PAN3: variants seen among roughly 807,000 people sequenced by gnomAD.
PAN3 encodes PAN2-PAN3 deadenylation complex subunit PAN3.
PAN3 carries 19 observed loss-of-function variants against 96.2 expected under a neutral mutation model. The observed-to-expected ratio is 0.20, with a 90% CI of 0.14 to 0.29. The LOEUF is 0.29. Among genes scored for constraint, PAN3 ranks in the 10% least tolerant of loss-of-function variants. PAN3 has a pLI of 1.00. For synonymous variants in PAN3, 433 were observed against 406.6 expected (o/e 1.06, Z -0.78); for missense variants, 882 against 1,108.1 (o/e 0.80, Z 2.90).
In PAN3 at chr13:28,223,871, ATTTTTTTTT is replaced by A. The variant is rs560571140; in HGVS notation, c.1000+3512_1000+3520del. 2.5e-3 allele frequency among the ~76,000 whole-genome samples: 184 copies of A among 75,062 alleles called. 2 individuals are homozygous for A. The Middle Eastern group carries it at 0.041, about 17-fold the overall frequency. 49.2% of individuals were successfully genotyped at this position (75,062 alleles called of 152,430 possible). ...TTTAATTTTTGTGCCATGAAAAGTG[ATTTTTTTTT>A]TTTTTTTTTTTTTTTTTTGAGACAG... On this transcript the variant is annotated intron_variant, in intron 6 of 18. Coordinates refer to ENST00000380958, the MANE Select transcript of PAN3 (RefSeq NM_175854.8).
chr13:28,181,528 A>AG (rs1875774067), intron 4 of PAN3, among the ~76,000 whole-genome samples: 1 of 149,892 alleles, frequency 6.7e-6, no homozygotes, highest in Non-Finnish European at 1.5e-5. Context: ...AAAAAAAAAA[A>AG]GGCCCAAAAC....
At chr13:28,150,169 G>T (rs1016025799) in intron 1 of PAN3, among the ~76,000 whole-genome samples, 40 of 152,226 alleles carry the variant, frequency 2.6e-4, no homozygotes, top group Admixed American at 2.2e-3. Context: ...CAGTTTTTAT[G>T]GTTCATAGAT....
In PAN3 at chr13:28,173,586, AG is replaced by A. The variant is rs1227900988; in HGVS notation, c.431-681del. Among the ~76,000 whole-genome samples the A allele has an allele frequency of 3.9e-5, 6 of 152,284 alleles. No individual in the cohort carries two copies. The East Asian group carries it at 1.2e-3, about 29-fold the overall frequency. On this transcript the variant is annotated intron_variant, in intron 1 of 18. Coordinates refer to ENST00000380958, the MANE Select transcript of PAN3 (RefSeq NM_175854.8). ...GTAGTTTGCTTCTTACTGGGGTTGA[AG>A]GGGGTTTCTCAATGACTGCCTGGAG...
rs896992793 is a variant in PAN3 at position 28,293,395 on chromosome 13, T to G, written c.*873T>G. ...TTCTTTCCAGTTTGCTGGTTTTTTT[T>G]TTTTTTTTTTTTTTTTTTTTTGGGC... On this transcript the variant is annotated 3_prime_UTR_variant, in exon 19 of 19. Transcript: ENST00000380958. 7.3e-6 allele frequency: 1 copy of G among 136,152 alleles called. No homozygotes were observed. The highest frequency in any genetic ancestry group is 2.8e-5 in the African/African-American group (1 of 35,776). The allele number at this position is 136,152 out of a possible 1,614,324, so 8.4% of individuals were successfully genotyped here.
chr13:28,227,077 T>C (rs1416785145), intron 6 of PAN3, among the ~76,000 whole-genome samples: 3 of 152,152 alleles, frequency 2.0e-5, no homozygotes, highest in African/African-American at 7.2e-5. Context: ...GGACACAGAT[T>C]GTGATGCCCC....
chr13:28,182,229 A>G (rs1296990127), intron 4 of PAN3, among the ~76,000 whole-genome samples: 2 of 152,218 alleles, frequency 1.3e-5, no homozygotes, highest in Non-Finnish European at 2.9e-5. Context: ...GTGTTTATGT[A>G]GGGCAACCAT....
intron 6 of PAN3, among the ~76,000 whole-genome samples, chr13:28,226,821 A>T (rs2138415963): frequency 6.6e-6 from 1 of 152,314 alleles, no homozygotes; most frequent in Non-Finnish European, 1.5e-5. Flanking sequence ...AAGTATTTGT[A>T]TTTTTAAATT....
At chr13:28,246,425 T>C (rs1271147506) in intron 6 of PAN3, among the ~76,000 whole-genome samples, 1 of 152,160 alleles carries the variant, frequency 6.6e-6, no homozygotes, top group Non-Finnish European at 1.5e-5. Context: ...CCCTCAAACA[T>C]TTGTGTTGGG....
At chr13:28,167,806 C>T (rs1178107762) in intron 1 of PAN3, among the ~76,000 whole-genome samples, 3 of 151,944 alleles carry the variant, frequency 2.0e-5, no homozygotes, top group African/African-American at 4.8e-5. Flanking sequence ...ATTGCGCCAC[C>T]GCACTCCAGC....
chr13:28,248,954 G>T (rs1884460777), intron 6 of PAN3, among the ~76,000 whole-genome samples: 1 of 152,016 alleles, frequency 6.6e-6, no homozygotes, highest in Admixed American at 6.6e-5. Flanking sequence ...TTCAACATCT[G>T]TTGAACTGAC....
In PAN3 at chr13:28,272,886, A is replaced by G. The variant is rs535926762; in HGVS notation, c.2049+815A>G. Among the ~76,000 whole-genome samples the G allele has an allele frequency of 9.9e-5, 15 of 152,210 alleles. No individual in the cohort carries two copies. In the East Asian group the frequency reaches 2.9e-3, roughly 29 times the overall value. ...GCCCGGCCTCCTGATAACGTCAGAG[A>G]CTCTTAACTGTTCAAAATGAAAATG... On this transcript the variant is annotated intron_variant, in intron 14 of 18. Transcript: ENST00000380958.
At position 28,215,670 on chromosome 13, in the gene PAN3, G is replaced by C. The variant is rs1880658913; in HGVS notation, c.853-4561G>C. 3 of 1,468,408 alleles carry C rather than the reference G, an allele frequency of 2.0e-6. No homozygotes were observed. The East Asian group carries it at 7.4e-5, about 36-fold the overall frequency. 91.0% of individuals were successfully genotyped at this position (1,468,408 alleles called of 1,614,324 possible). On this transcript the variant is annotated intron_variant, in intron 5 of 18. Transcript: ENST00000380958. ...TTATTGCCATTTTGGTAATAAGCTGGAAGATGGCCCTAAATTCTTGAAGTC... is the reference window on the plus strand; with the variant it reads ...TTATTGCCATTTTGGTAATAAGCTGCAAGATGGCCCTAAATTCTTGAAGTC...
rs187654827 is a variant in PAN3, at chr13:28,257,709, T to A, written c.1248+1170T>A. Among the ~76,000 whole-genome samples the A allele has an allele frequency of 6.4e-3, 889 of 139,024 alleles. 14 individuals are homozygous for A. The highest frequency in any genetic ancestry group is 0.02 in the African/African-American group (766 of 37,720). 91.2% of individuals were successfully genotyped at this position (139,024 alleles called of 152,430 possible). On this transcript the variant is annotated intron_variant, in intron 7 of 18. Coordinates refer to ENST00000380958, the MANE Select transcript of PAN3 (RefSeq NM_175854.8). ...TTATATAAATATATATTATATATAT[T>A]ATATATAATTAATATATATTATATA...
chr13:28,259,678 G>A (rs1225689298), intron 7 of PAN3, among the ~76,000 whole-genome samples: 1 of 150,120 alleles, frequency 6.7e-6, no homozygotes, highest in Non-Finnish European at 1.5e-5. Flanking sequence ...CATTCTTGTT[G>A]CCTAGGCTGG....
intron 6 of PAN3, among the ~76,000 whole-genome samples, chr13:28,224,818 C>T (rs2138404668): frequency 6.6e-6 from 1 of 152,192 alleles, no homozygotes; most frequent in East Asian, 1.9e-4. Flanking sequence ...GAGACGAGTT[C>T]TCACTATATT....
At chr13:28,143,513 A>G (rs1226811504) in intron 1 of PAN3, among the ~76,000 whole-genome samples, 1 of 152,156 alleles carries the variant, frequency 6.6e-6, no homozygotes, top group Admixed American at 6.6e-5. Context: ...AATTCTCCTA[A>G]TGTAGTTACT....
At chr13:28,291,983 A>G (rs1303450012) in intron 18 of PAN3, among the ~76,000 whole-genome samples, 1 of 152,008 alleles carries the variant, frequency 6.6e-6, no homozygotes, top group African/African-American at 2.4e-5. Flanking sequence ...AATACTTTAC[A>G]TTTTATTATT....
At chr13:28,243,314 G>C (rs1593545965) in intron 6 of PAN3, among the ~76,000 whole-genome samples, 1 of 152,172 alleles carries the variant, frequency 6.6e-6, no homozygotes, top group African/African-American at 2.4e-5. Flanking sequence ...AAATATTCCA[G>C]ATTTTACTGG....
intron 6 of PAN3, among the ~76,000 whole-genome samples, chr13:28,237,195 A>AT (rs5802467): frequency 6.6e-6 from 1 of 150,692 alleles, no homozygotes; most frequent in African/African-American, 2.4e-5. Context: ...AGGTAGACAG[A>AT]TTTTTTTTTT....
Sources: allele counts gnomAD v4.1 joint callset (sites outside exome capture counted in the v4.1 genomes callset), GRCh38; gene constraint gnomAD v4.1.1; transcripts MANE v1.5; gene names NCBI Gene and HGNC (gene_info 2026-07-23, HGNC 2026-07-21).